The following HDAC9 variants were observed in gnomAD, a reference collection of about 807,000 sequenced individuals.
HDAC9 encodes the protein MEF-2 interacting transcription repressor (MITR) protein.
A neutral mutation model predicts 139.4 loss-of-function variants in HDAC9; 41 were observed. The observed-to-expected ratio is 0.29, with a 90% CI of 0.23 to 0.38. HDAC9 has a LOEUF of 0.38. Among genes scored for constraint, HDAC9 ranks in the 10% least tolerant of loss-of-function variants. The pLI is 1.00. For synonymous variants in HDAC9, 517 were observed against 476.2 expected (o/e 1.09, Z -1.12); for missense variants, 1,147 against 1,297.0 (o/e 0.88, Z 1.78).
At chr7:18,769,574 A>C (rs547042276) in intron 16 of HDAC9, among the ~76,000 whole-genome samples, 25 of 151,268 alleles carry the variant, frequency 1.7e-4, no homozygotes, top group African/African-American at 5.6e-4. Context: ...GTGTGTGTGC[A>C]AGTTTGCACT....
At chr7:18,762,121 A>G in intron 14 of HDAC9, 36 bp from the exon 15 acceptor site, 6 of 1,611,792 alleles carry the variant, frequency 3.7e-6, no homozygotes, top group Non-Finnish European at 4.2e-6. Context: ...AAATGTTGTC[A>G]GTGGTGTACT....
At chr7:18,846,911 G>A (rs1379759192) in intron 21 of HDAC9, among the ~76,000 whole-genome samples, 1 of 152,136 alleles carries the variant, frequency 6.6e-6, no homozygotes, top group Non-Finnish European at 1.5e-5. Flanking sequence ...AAATCCAGAA[G>A]GCCTTGGCTT....
chr7:18,797,352 A>G (rs918264848), intron 17 of HDAC9, among the ~76,000 whole-genome samples: 13 of 152,162 alleles, frequency 8.5e-5, no homozygotes, highest in African/African-American at 3.1e-4. Context: ...ATTATAAAAC[A>G]TTTGAGACAT....
At chr7:18,620,994 T>C (rs938273832) in intron 6 of HDAC9, among the ~76,000 whole-genome samples, 2 of 152,172 alleles carry the variant, frequency 1.3e-5, no homozygotes, top group African/African-American at 2.4e-5. Context: ...AGCAAAACAA[T>C]GTGTAGTACA....
At chr7:18,202,392 T>C (rs1478858369) in intron 2 of HDAC9, among the ~76,000 whole-genome samples, 1 of 152,192 alleles carries the variant, frequency 6.6e-6, no homozygotes, top group Non-Finnish European at 1.5e-5. Context: ...GATTTTTTTT[T>C]CCTTCAGATT....
chr7:18,136,820 G>T (rs968101651), intron 1 of HDAC9, among the ~76,000 whole-genome samples: 2 of 151,776 alleles, frequency 1.3e-5, no homozygotes, highest in African/African-American at 4.8e-5. Flanking sequence ...CTTTAAAGTA[G>T]TTTTTTCCAA....
chr7:18,290,572 T>C, intron 1 of HDAC9: 1 of 456,358 alleles, frequency 2.2e-6, no homozygotes, highest in Non-Finnish European at 4.4e-6. Flanking sequence ...GTGGGGTAGA[T>C]GTTTTTAAGT....
intron 6 of HDAC9, among the ~76,000 whole-genome samples, chr7:18,609,173 G>A (rs755413210): frequency 2.0e-5 from 3 of 152,108 alleles, no homozygotes; most frequent in African/African-American, 7.2e-5. Context: ...TTTGAAAATA[G>A]TATGGACCAG....
chr7:18,946,864 C>A (rs764811257), intron 23 of HDAC9, among the ~76,000 whole-genome samples: 20 of 151,974 alleles, frequency 1.3e-4, no homozygotes, highest in Non-Finnish European at 1.6e-4. Flanking sequence ...GAATATCATT[C>A]TTTTCAAGGA....
intron 1 of HDAC9, among the ~76,000 whole-genome samples, chr7:18,461,722 T>C (rs1156267003): frequency 1.3e-5 from 2 of 152,164 alleles, no homozygotes; most frequent in Admixed American, 6.5e-5. Flanking sequence ...TGATCAGAGA[T>C]CTCCCTTAAT....
In HDAC9 at chr7:18,155,093, C is replaced by CTTTCTT; in HGVS notation, c.-96-7133_-96-7132insCTTTTT. Among the ~76,000 whole-genome samples the CTTTCTT allele has an allele frequency of 2.1e-5, 3 of 141,712 alleles. No homozygotes were observed. In the Middle Eastern group the frequency reaches 0.011, roughly 517 times the overall value. 93.0% of individuals were successfully genotyped at this position (141,712 alleles called of 152,430 possible). Reference sequence around the variant, plus strand: ...GCTTTTTTTCTTTCTTTCTTTCTTTCTTTTTTTTTTTTTAACAACCTCTTT... The same window carrying CTTTCTT: ...GCTTTTTTTCTTTCTTTCTTTCTTTCTTTCTTTTTTTTTTTTTTTAACAACCTCTTT... On this transcript the variant is annotated intron_variant, in intron 1 of 12. Transcript: ENST00000417496.
At chr7:18,195,521 A>G (rs970334721) in intron 2 of HDAC9, among the ~76,000 whole-genome samples, 1 of 152,172 alleles carries the variant, frequency 6.6e-6, no homozygotes, top group East Asian at 1.9e-4. Flanking sequence ...TTTGTTGCCA[A>G]ACAATTTCTG....
At chr7:18,928,119 G>C (rs969612146) in intron 22 of HDAC9, among the ~76,000 whole-genome samples, 7 of 152,120 alleles carry the variant, frequency 4.6e-5, no homozygotes, top group African/African-American at 1.7e-4. Context: ...TTTACTACAG[G>C]GAGGCAGGAT....
At chr7:18,621,533 A>G (rs801532) in intron 6 of HDAC9, among the ~76,000 whole-genome samples, 138,301 of 152,054 alleles carry the variant, frequency 0.91, 62,966 homozygotes, top group South Asian at 0.96. Flanking sequence ...ATTTCTCAAA[A>G]ACAAATAGTA....
At chr7:18,952,832 T>TC (rs1281201848) in intron 23 of HDAC9, among the ~76,000 whole-genome samples, 2 of 151,282 alleles carry the variant, frequency 1.3e-5, no homozygotes, top group Admixed American at 1.3e-4. Flanking sequence ...TTTTTTTTTT[T>TC]CCTCTCACCA....
intron 12 of HDAC9, among the ~76,000 whole-genome samples, chr7:18,669,494 A>G (rs1795534254): frequency 6.6e-6 from 1 of 151,856 alleles, no homozygotes. Context: ...TAGAGTATCA[A>G]GAAATCTGGA....
chr7:18,748,333 G>C (rs1020408537), intron 13 of HDAC9, among the ~76,000 whole-genome samples: 1 of 152,082 alleles, frequency 6.6e-6, no homozygotes, highest in Admixed American at 6.5e-5. Context: ...ATAATCTCTA[G>C]TAGTGGCATT....
intron 17 of HDAC9, among the ~76,000 whole-genome samples, chr7:18,807,815 T>C (rs1185501917): frequency 1.3e-5 from 2 of 152,182 alleles, no homozygotes; most frequent in Non-Finnish European, 2.9e-5. Context: ...TCTTCATAAA[T>C]CTGTTAAGAC....
intron 2 of HDAC9, among the ~76,000 whole-genome samples, chr7:18,538,331 G>A (rs543377687): frequency 1.5e-4 from 23 of 152,274 alleles, no homozygotes; most frequent in African/African-American, 5.1e-4. Context: ...AAACATACTA[G>A]TTAAGTATGG....
Sources: gnomAD v4.1 joint callset for allele counts (sites outside exome capture counted in the v4.1 genomes callset) on GRCh38, gnomAD v4.1.1 for gene constraint, MANE v1.5 for transcripts, NCBI Gene and HGNC (gene_info 2026-07-23, HGNC 2026-07-21) for gene names.